Variants in IFT74 observed in about 807,000 individuals in gnomAD.
IFT74 encodes the protein intraflagellar transport protein 74 homolog.
In IFT74, 92 loss-of-function variants were observed where a neutral mutation model predicts 96.7. The observed-to-expected ratio is 0.95, with a 90% CI of 0.80 to 1.13. The LOEUF (loss-of-function observed/expected upper bound fraction) is 1.13, where lower values mean the gene tolerates loss of function less well. Among genes scored for constraint, IFT74 ranks in the 50% most tolerant of loss-of-function variants. The pLI, the probability that IFT74 is intolerant of heterozygous loss-of-function variation, is 0.00. For synonymous variants in IFT74, 223 were observed against 213.2 expected (o/e 1.05, Z -0.40); for missense variants, 811 against 698.2 (o/e 1.16, Z -1.82).
At chr9:27,017,257 C>T (rs1489654904) in intron 11 of IFT74, among the ~76,000 whole-genome samples, 1 of 152,048 alleles carries the variant, frequency 6.6e-6, no homozygotes, top group East Asian at 1.9e-4. Context: ...GGATCTTGCT[C>T]TGTAACCCAG....
At position 26,984,485 on chromosome 9, in the gene IFT74, T is replaced by A. The variant is rs1369656126; in HGVS notation, c.405-14T>A. The A allele has an allele frequency of 2.5e-6, 4 of 1,607,806 alleles. No individual in the cohort carries two copies. Among genetic ancestry groups the A allele is most frequent in the Non-Finnish European group, 3.4e-6 (4 of 1,175,976 alleles). On this transcript the variant is annotated splice_polypyrimidine_tract_variant and intron_variant, in intron 5 of 19. Coordinates refer to ENST00000380062, the MANE Select transcript of IFT74 (RefSeq NM_025103.4). ...ATGTACATATTTATGAATGTATTTA[T>A]TTTATGCTTTCAGGGCTGAGACTTT...
intron 13 of IFT74, among the ~76,000 whole-genome samples, chr9:27,041,252 C>A (rs748008416): frequency 2.6e-5 from 4 of 152,156 alleles, no homozygotes; most frequent in Admixed American, 6.5e-5. Flanking sequence ...GGTATAATTC[C>A]TGTGTAAAAT....
chr9:27,048,119 T>C (rs2131686181), intron 15 of IFT74, 29 bp from the exon 16 acceptor site: 2 of 1,507,078 alleles, frequency 1.3e-6, no homozygotes, highest in Non-Finnish European at 1.8e-6. Flanking sequence ...AGTGGATTTT[T>C]TTCTATTTTT....
intron 16 of IFT74, among the ~76,000 whole-genome samples, chr9:27,051,654 T>C (rs1403138509): frequency 6.6e-6 from 1 of 152,234 alleles, no homozygotes; most frequent in East Asian, 1.9e-4. Context: ...TTAAATTACC[T>C]CATATAAATG....
intron 2 of IFT74, among the ~76,000 whole-genome samples, chr9:26,964,182 G>T (rs1223070682): frequency 2.8e-3 from 378 of 133,526 alleles, no homozygotes; most frequent in African/African-American, 0.011. Flanking sequence ...TTCTACATAT[G>T]GCTAGCCAGT....
intron 12 of IFT74, 21 bp from the exon 13 acceptor site, chr9:27,029,004 C>CATT: frequency 6.4e-7 from 1 of 1,552,224 alleles, no homozygotes; most frequent in Non-Finnish European, 8.8e-7. Context: ...TTCATAAATT[C>CATT]ATTAAAAATA....
At chr9:27,012,003 C>A in intron 10 of IFT74, 35 bp downstream of exon 10, 2 of 1,391,742 alleles carry the variant, frequency 1.4e-6, no homozygotes, top group East Asian at 2.5e-5. Flanking sequence ...TCTCATACTA[C>A]TCAGCTAAAA....
In IFT74 at chr9:27,009,293, C is replaced by G. The variant is rs76462340; in HGVS notation, c.726+135C>G. The G allele has an allele frequency of 0.022, 14,910 of 663,968 alleles. 207 individuals carry two copies. The highest frequency in any genetic ancestry group is 0.028 in the Middle Eastern group (91 of 3,242). The allele number at this position is 663,968 out of a possible 1,614,324, so 41.1% of individuals were successfully genotyped here. ...ATCAGTTTTCATTTTAACAAGGTCC[C>G]CATCTGATTCATACGTATATTCACA... is the stretch of plus-strand genomic sequence containing the variant. On this transcript the variant is annotated intron_variant, in intron 9 of 19. Transcript: ENST00000380062.
intron 1 of IFT74, among the ~76,000 whole-genome samples, chr9:26,949,730 C>T (rs532075233): frequency 2.6e-5 from 4 of 152,094 alleles, no homozygotes; most frequent in Middle Eastern, 3.4e-3. Flanking sequence ...TTTAAAGGAT[C>T]GGTTGGTGGG....
chr9:27,042,666 A>G (rs894264226), intron 13 of IFT74, among the ~76,000 whole-genome samples: 1 of 152,206 alleles, frequency 6.6e-6, no homozygotes, highest in Non-Finnish European at 1.5e-5. Flanking sequence ...GATGATAGTT[A>G]AATCCTTGTA....
intron 13 of IFT74, among the ~76,000 whole-genome samples, chr9:27,035,471 A>T (rs1430582692): frequency 2.0e-5 from 3 of 152,230 alleles, no homozygotes; most frequent in Non-Finnish European, 4.4e-5. Context: ...CAGGATCATC[A>T]CCACCATCTG....
intron 1 of IFT74, among the ~76,000 whole-genome samples, chr9:26,951,292 TTAG>T (rs1384712189): frequency 6.6e-6 from 1 of 152,220 alleles, no homozygotes; most frequent in African/African-American, 2.4e-5. Context: ...GGCTGGCAAC[TTAG>T]TAGGAAAACC....
At chr9:27,026,947 C>T (rs1458278990) in intron 12 of IFT74, among the ~76,000 whole-genome samples, 1 of 6,616 alleles carries the variant, frequency 1.5e-4, no homozygotes, top group Admixed American at 2.5e-3. Context: ...AACCCAAACC[C>T]ACCAAAAGAA....
rs965596520 is a variant in IFT74, at chr9:27,066,097, C to A, written c.*3361C>A. On this transcript the variant is annotated 3_prime_UTR_variant, in exon 20 of 20. Coordinates refer to ENST00000380062, the MANE Select transcript of IFT74 (RefSeq NM_025103.4). Reference sequence around the variant, plus strand: ...TCTGTTTTATTTATGTATTTATGCACCTTTAATTAAATTAAAATTATATTG... The same window carrying A: ...TCTGTTTTATTTATGTATTTATGCAACTTTAATTAAATTAAAATTATATTG... Among the ~76,000 whole-genome samples the A allele has an allele frequency of 6.6e-6, 1 of 152,062 alleles. No individual in the cohort carries two copies. The highest frequency in any genetic ancestry group is 1.5e-5 in the Non-Finnish European group (1 of 68,010).
At chr9:26,981,230 C>A (rs1460465636) in intron 4 of IFT74, among the ~76,000 whole-genome samples, 1 of 152,136 alleles carries the variant, frequency 6.6e-6, no homozygotes, top group Non-Finnish European at 1.5e-5. Context: ...AACATTCAAA[C>A]CATAGCAAAC....
chr9:26,968,265 A>AT lies in IFT74; in HGVS notation c.120+6192dup, dbSNP rs34472331. On this transcript the variant is annotated intron_variant, in intron 2 of 19. Transcript: ENST00000380062. ...GAGACGTTTTTTAAATTAAAAAAAA[A>AT]TTTTTTTTTTTTTTGAGATGTAATC... Among the ~76,000 whole-genome samples, 355 of 139,260 alleles carry AT rather than the reference A, an allele frequency of 2.5e-3. 2 individuals are homozygous for AT. The highest frequency in any genetic ancestry group is 7.1e-3 in the African/African-American group (277 of 38,790). 91.4% of individuals were successfully genotyped at this position (139,260 alleles called of 152,430 possible). A position where few individuals can be genotyped will look rare whatever the true frequency, so the allele number is the denominator to read the frequency against.
intron 13 of IFT74, among the ~76,000 whole-genome samples, chr9:27,037,494 C>T (rs1363198060): frequency 6.6e-6 from 1 of 152,190 alleles, no homozygotes; most frequent in Non-Finnish European, 1.5e-5. Context: ...GCAGTATCAG[C>T]ATTCCCAGAA....
intron 13 of IFT74, among the ~76,000 whole-genome samples, chr9:27,030,975 T>C (rs534723157): frequency 3.3e-5 from 5 of 152,312 alleles, no homozygotes; most frequent in East Asian, 3.9e-4. Flanking sequence ...TTCTAACATA[T>C]AGCCAAGTGA....
chr9:27,056,239 A>G (rs1820151401), intron 17 of IFT74, 95 bp from the exon 18 acceptor site: 1 of 947,094 alleles, frequency 1.1e-6, no homozygotes, highest in Non-Finnish European at 1.6e-6. Flanking sequence ...ATATAATTTT[A>G]CCAGAATATA....
Sources: allele counts gnomAD v4.1 joint callset (sites outside exome capture counted in the v4.1 genomes callset), GRCh38; gene constraint gnomAD v4.1.1; transcripts MANE v1.5; gene names NCBI Gene and HGNC (gene_info 2026-07-23, HGNC 2026-07-21).